The following STK32B variants were observed in gnomAD, a reference collection of about 807,000 sequenced individuals.
STK32B encodes the protein serine/threonine kinase 32B.
A neutral mutation model predicts 52.6 loss-of-function variants in STK32B; 43 were observed. The observed-to-expected ratio is 0.82, with a 90% CI of 0.64 to 1.05. The LOEUF (loss-of-function observed/expected upper bound fraction) is 1.05, where lower values mean the gene tolerates loss of function less well. Among genes scored for constraint, STK32B ranks in the 50% least tolerant of loss-of-function variants. STK32B has a pLI of 0.00. For synonymous variants in STK32B, 238 were observed against 204.3 expected (o/e 1.17, Z -1.41); for missense variants, 621 against 534.6 (o/e 1.16, Z -1.59).
intron 3 of STK32B, among the ~76,000 whole-genome samples, chr4:5,287,163 C>T (rs1027509302): frequency 1.3e-5 from 2 of 152,102 alleles, no homozygotes; most frequent in African/African-American, 2.4e-5. Context: ...TGTATATGTT[C>T]AGCTTTAGTA....
chr4:5,291,161 C>A (rs1441186535), intron 3 of STK32B, among the ~76,000 whole-genome samples: 1 of 152,040 alleles, frequency 6.6e-6, no homozygotes, highest in East Asian at 1.9e-4. Context: ...GTATCTCTTG[C>A]ATGTCCATAG....
intron 3 of STK32B, among the ~76,000 whole-genome samples, chr4:5,233,323 G>A (rs1467423934): frequency 3.9e-5 from 6 of 152,298 alleles, no homozygotes; most frequent in Admixed American, 2.0e-4. Flanking sequence ...TGGGATTGAC[G>A]TGTGCTGAGG....
rs1737173105 is a variant in STK32B at position 5,399,797 on chromosome 4, A to G, written c.472+1553A>G. 6.6e-6 allele frequency among the ~76,000 whole-genome samples: 1 copy of G among 152,010 alleles called. No homozygotes were observed. Among genetic ancestry groups the G allele is most frequent in the Non-Finnish European group, 1.5e-5 (1 of 67,988 alleles). On this transcript the variant is annotated intron_variant, in intron 5 of 11. Transcript: ENST00000282908. The surrounding 1 kb of genome is among the most constrained non-coding windows in gnomAD (Gnocchi z 5.4). ...CTCGGGTGAGACTCGAAGGTCAGCCACCCATCACAGTATGCAAGCGCTCGG... is the reference window on the plus strand; with the variant it reads ...CTCGGGTGAGACTCGAAGGTCAGCCGCCCATCACAGTATGCAAGCGCTCGG...
chr4:5,385,207 T>G (rs1736172202), intron 4 of STK32B, among the ~76,000 whole-genome samples: 1 of 151,680 alleles, frequency 6.6e-6, no homozygotes, highest in Admixed American at 6.6e-5. Flanking sequence ...AGGGTTTAGA[T>G]TAAGGCAAGA....
In STK32B at chr4:5,077,399, G is replaced by A. The variant is rs759904845; in HGVS notation, c.52+25484G>A. Among the ~76,000 whole-genome samples, 12 of 152,002 alleles carry A rather than the reference G, an allele frequency of 7.9e-5. 1 individual carries two copies. The highest frequency in any genetic ancestry group is 4.2e-4 in the South Asian group (2 of 4,804). ...CCCTAGGCACTCAGATGTCACTGCC[G>A]TTGCCACAGTTTCCCCAACCAGCTG... On this transcript the variant is annotated intron_variant, in intron 1 of 11. Transcript: ENST00000282908.
At chr4:5,174,456 T>C (rs62290498) in intron 3 of STK32B, among the ~76,000 whole-genome samples, 8,527 of 152,270 alleles carry the variant, frequency 0.056, 428 homozygotes, top group Admixed American at 0.17. Flanking sequence ...TTCTTTTCCA[T>C]GTTTAGTGCT....
At chr4:5,454,705 C>T (rs866078509) in intron 7 of STK32B, among the ~76,000 whole-genome samples, 1 of 152,032 alleles carries the variant, frequency 6.6e-6, no homozygotes, top group Non-Finnish European at 1.5e-5. Flanking sequence ...TATAGTGCCT[C>T]GGTTTTGTCT....
At chr4:5,343,575 C>G (rs187506101) in intron 4 of STK32B, among the ~76,000 whole-genome samples, 1 of 151,980 alleles carries the variant, frequency 6.6e-6, no homozygotes, top group African/African-American at 2.4e-5. Context: ...CAACATAATT[C>G]AAGATGGATT....
At chr4:5,252,975 C>A (rs1004306142) in intron 3 of STK32B, among the ~76,000 whole-genome samples, 5 of 152,260 alleles carry the variant, frequency 3.3e-5, no homozygotes, top group Admixed American at 2.0e-4. Context: ...CTCTTCTAAT[C>A]CTTCTGCCAC....
At chr4:5,444,249 C>G (rs11728356) in intron 6 of STK32B, among the ~76,000 whole-genome samples, 11 of 152,230 alleles carry the variant, frequency 7.2e-5, no homozygotes, top group Admixed American at 5.9e-4. Flanking sequence ...TAGCAATCAG[C>G]GAGACTCCGT....
intron 4 of STK32B, among the ~76,000 whole-genome samples, chr4:5,370,200 A>G (rs1735138731): frequency 6.6e-6 from 1 of 152,182 alleles, no homozygotes; most frequent in African/African-American, 2.4e-5. Flanking sequence ...AAGCAGAATT[A>G]TATGGAGCAA....
chr4:5,191,385 GGATTACAGGC>G (rs1356930898), intron 3 of STK32B, among the ~76,000 whole-genome samples: 3 of 151,948 alleles, frequency 2.0e-5, no homozygotes, highest in Non-Finnish European at 4.4e-5. Flanking sequence ...CCAGTAGCTG[GGATTACAGGC>G]GCACACCACC....
intron 3 of STK32B, among the ~76,000 whole-genome samples, chr4:5,213,807 T>C (rs1271084130): frequency 1.3e-5 from 2 of 152,218 alleles, no homozygotes; most frequent in Admixed American, 6.5e-5. Flanking sequence ...AATATCTTCT[T>C]GTAGTTTGTA....
intron 4 of STK32B, among the ~76,000 whole-genome samples, chr4:5,359,378 ACCCTCCCTCCCTCCCT>A (rs200711622): frequency 1.1e-4 from 14 of 123,084 alleles, no homozygotes; most frequent in African/African-American, 1.7e-4. Flanking sequence ...CACTCATCCA[ACCCTCCCTCCCTCCCT>A]CCCTCCCTCC....
intron 2 of STK32B, among the ~76,000 whole-genome samples, chr4:5,161,188 T>C (rs1177039184): frequency 4.6e-5 from 7 of 152,164 alleles, no homozygotes; most frequent in Non-Finnish European, 1.0e-4. Flanking sequence ...GAAATACTCA[T>C]CCAAGTAAGT....
chr4:5,466,628 T>A, intron 9 of STK32B, 75 bp from the exon 10 acceptor site: 1 of 1,515,602 alleles, frequency 6.6e-7, no homozygotes. Flanking sequence ...GAATGAATGG[T>A]TGAATTAATG....
At chr4:5,271,057 C>T (rs1727396695) in intron 3 of STK32B, among the ~76,000 whole-genome samples, 2 of 151,992 alleles carry the variant, frequency 1.3e-5, no homozygotes, top group Non-Finnish European at 2.9e-5. Flanking sequence ...CCTGCCTCAG[C>T]CTCCTGAGTA....
At chr4:5,342,571 A>C (rs1278826836) in intron 4 of STK32B, among the ~76,000 whole-genome samples, 1 of 152,186 alleles carries the variant, frequency 6.6e-6, no homozygotes, top group Non-Finnish European at 1.5e-5. Context: ...AAAGGACAGC[A>C]CCAAGGAGAT....
chr4:5,452,717 G>A (rs1321639425), intron 7 of STK32B, among the ~76,000 whole-genome samples: 2 of 152,104 alleles, frequency 1.3e-5, no homozygotes, highest in African/African-American at 4.8e-5. Flanking sequence ...CTTTAACAGT[G>A]AAAATGACAG....
Sources: allele counts gnomAD v4.1 joint callset (sites outside exome capture counted in the v4.1 genomes callset), GRCh38; gene constraint gnomAD v4.1.1; non-coding constraint Gnocchi (gnomAD v3.1); transcripts MANE v1.5; gene names NCBI Gene and HGNC (gene_info 2026-07-23, HGNC 2026-07-21).